Variants in ABLIM1 observed in about 807,000 individuals in gnomAD.
ABLIM1 encodes the protein actin binding LIM protein 1.
A neutral mutation model predicts 107.0 loss-of-function variants in ABLIM1; 40 were observed. The ratio of observed to expected loss-of-function variants is 0.37; its 90% confidence interval spans 0.29 to 0.49. The LOEUF (loss-of-function observed/expected upper bound fraction) is 0.49. ABLIM1 is among the 20% of genes least tolerant of loss of function. The pLI, the probability that ABLIM1 is intolerant of heterozygous loss-of-function variation, is 0.97. For synonymous variants in ABLIM1, 357 were observed against 357.3 expected (o/e 1.00, Z 0.01); for missense variants, 857 against 1,008.5 (o/e 0.85, Z 2.04).
chr10:114,625,696 G>C (rs1299120593), intron 1 of ABLIM1, among the ~76,000 whole-genome samples: 3 of 152,178 alleles, frequency 2.0e-5, no homozygotes, highest in Non-Finnish European at 4.4e-5. Flanking sequence ...ACTGAGGTTA[G>C]AGCAGAAAAT....
chr10:114,477,615 G>A (rs1276448339), intron 8 of ABLIM1, among the ~76,000 whole-genome samples: 1 of 152,196 alleles, frequency 6.6e-6, no homozygotes, highest in East Asian at 1.9e-4. Context: ...GAAGAACAAC[G>A]CACGCACATG....
intron 1 of ABLIM1, among the ~76,000 whole-genome samples, chr10:114,712,377 A>T (rs1353182541): frequency 3.2e-5 from 4 of 125,624 alleles, no homozygotes; most frequent in Non-Finnish European, 6.8e-5. Flanking sequence ...AAAAAAAAAA[A>T]GTACATGAAT....
chr10:114,675,168 T>C (rs2080426765), intron 1 of ABLIM1, among the ~76,000 whole-genome samples: 1 of 152,130 alleles, frequency 6.6e-6, no homozygotes, highest in East Asian at 1.9e-4. Context: ...GCTGTCATCA[T>C]TGGGTAGAGA....
rs1342511249 is a variant in ABLIM1 at position 114,448,032 on chromosome 10, T to C, written c.1595-12A>G. 5.0e-6 allele frequency: 8 copies of C among 1,614,092 alleles called. No homozygotes were observed. Among genetic ancestry groups the C allele is most frequent in the African/African-American group, 1.3e-5 (1 of 75,044 alleles). On this transcript the variant is annotated splice_polypyrimidine_tract_variant and intron_variant, in intron 14 of 22. Coordinates refer to ENST00000533213, the MANE Select transcript of ABLIM1 (RefSeq NM_002313.7). ...GGCTGCCAAGGCAGCTGCATCTAGA[T>C]GGGAATCAGGGGTTGCTTAGCTATT...
chr10:114,706,853 C>CT (rs200817467), intron 1 of ABLIM1, among the ~76,000 whole-genome samples: 14 of 150,486 alleles, frequency 9.3e-5, no homozygotes, highest in African/African-American at 2.7e-4. Flanking sequence ...TTTTCTTCTA[C>CT]TTTAAAAAAA....
chr10:114,605,052 G>A lies in ABLIM1; in HGVS notation c.245-3091C>T, dbSNP rs192524588. On this transcript the variant is annotated intron_variant, in intron 1 of 22. Transcript: ENST00000533213. The stretch of plus-strand genomic sequence containing the variant: ...ATGACTTGCTTTGCCTTCACCCACA[G>A]ACTAGACTGTGTTTACTTGCCTTTC... 2.0e-5 allele frequency among the ~76,000 whole-genome samples: 3 copies of A among 152,288 alleles called. No individual in the cohort carries two copies. The East Asian group carries it at 5.8e-4, about 29-fold the overall frequency.
chr10:114,714,994 A>C (rs1414089331), intron 1 of ABLIM1, among the ~76,000 whole-genome samples: 2 of 152,186 alleles, frequency 1.3e-5, no homozygotes, highest in Non-Finnish European at 2.9e-5. Flanking sequence ...AAGCACTCTC[A>C]AAGGAAGAAG....
rs974443735 is a variant in ABLIM1 at position 114,653,299 on chromosome 10, T to C, written c.244+4658A>G. On this transcript the variant is annotated intron_variant, in intron 1 of 22. Coordinates refer to ENST00000533213, the MANE Select transcript of ABLIM1 (RefSeq NM_002313.7). ...GCTTGCGCCTGTAATCTCAACACTT[T>C]GGGAAGCCAAAGCAGGAGGACTGTT... 1.8e-4 allele frequency among the ~76,000 whole-genome samples: 28 copies of C among 152,168 alleles called. 1 individual carries two copies. The highest frequency in any genetic ancestry group is 6.5e-4 in the African/African-American group (27 of 41,440).
At chr10:114,610,037 G>A (rs1353515063) in intron 1 of ABLIM1, among the ~76,000 whole-genome samples, 1 of 152,216 alleles carries the variant, frequency 6.6e-6, no homozygotes, top group East Asian at 1.9e-4. Flanking sequence ...AGCATAGAAG[G>A]AAATCAAGCT....
intron 1 of ABLIM1, among the ~76,000 whole-genome samples, chr10:114,718,098 A>AG (rs1355495011): frequency 7.2e-5 from 3 of 41,820 alleles, no homozygotes; most frequent in Non-Finnish European, 1.4e-4. Flanking sequence ...AGGAAGGAAA[A>AG]GAAAAAGAAA....
In ABLIM1 at chr10:114,492,827, C is replaced by T. The variant is rs578210057; in HGVS notation, c.895-949G>A. Reference sequence around the variant, plus strand: ...CATCAGAACCTGCATGAAACTGCAACAGGAAATCAGATGTCACGTGGTAAT... The same window carrying T: ...CATCAGAACCTGCATGAAACTGCAATAGGAAATCAGATGTCACGTGGTAAT... On this transcript the variant is annotated intron_variant, in intron 6 of 22. Coordinates refer to ENST00000533213, the MANE Select transcript of ABLIM1 (RefSeq NM_002313.7). Among the ~76,000 whole-genome samples the T allele has an allele frequency of 6.6e-5, 10 of 152,322 alleles. No homozygotes were observed. In the South Asian group the frequency reaches 2.1e-3, roughly 32 times the overall value.
intron 6 of ABLIM1, among the ~76,000 whole-genome samples, chr10:114,514,145 C>T (rs781459346): frequency 1.1e-4 from 17 of 152,018 alleles, no homozygotes; most frequent in Non-Finnish European, 1.9e-4. Context: ...GAAATGAGGC[C>T]GGGTGCAGTG....
intron 6 of ABLIM1, 28 bp downstream of exon 6, chr10:114,544,977 G>A: frequency 6.2e-7 from 1 of 1,603,042 alleles, no homozygotes; most frequent in East Asian, 2.2e-5. Context: ...GATGGCGGTA[G>A]CTATGAGGGA....
intron 2 of ABLIM1, among the ~76,000 whole-genome samples, chr10:114,584,660 CA>C (rs979731948): frequency 1.3e-5 from 2 of 152,058 alleles, no homozygotes; most frequent in Non-Finnish European, 2.9e-5. Flanking sequence ...TACTAAGCCT[CA>C]AAAAACATAT....
intron 1 of ABLIM1, among the ~76,000 whole-genome samples, chr10:114,681,210 TGAGA>T (rs925544416): frequency 6.6e-6 from 1 of 152,166 alleles, no homozygotes; most frequent in Non-Finnish European, 1.5e-5. Context: ...ATTTTTATAT[TGAGA>T]GAGAGAGTTT....
intron 10 of ABLIM1, among the ~76,000 whole-genome samples, chr10:114,468,459 A>G (rs1007263878): frequency 6.6e-6 from 1 of 151,884 alleles, no homozygotes; most frequent in Non-Finnish European, 1.5e-5. Flanking sequence ...TATTTTTAGT[A>G]GAGATGGGGT....
chr10:114,513,657 G>A (rs1369792986), intron 6 of ABLIM1, among the ~76,000 whole-genome samples: 2 of 152,148 alleles, frequency 1.3e-5, no homozygotes, highest in African/African-American at 4.8e-5. Context: ...CACCTTGGTG[G>A]CGGGTAGGAG....
intron 1 of ABLIM1, among the ~76,000 whole-genome samples, chr10:114,711,405 T>C (rs537680655): frequency 4.3e-4 from 66 of 152,272 alleles, no homozygotes; most frequent in Non-Finnish European, 7.6e-4. Context: ...ATGGTGACAG[T>C]GTTAAGACCA....
chr10:114,443,665 T>C (rs2060539832), intron 17 of ABLIM1, among the ~76,000 whole-genome samples: 1 of 128,158 alleles, frequency 7.8e-6, no homozygotes, highest in Non-Finnish European at 1.6e-5. Flanking sequence ...GTCTTATTCA[T>C]GTTATCTAAA....
Sources: allele counts gnomAD v4.1 joint callset (sites outside exome capture counted in the v4.1 genomes callset), GRCh38; gene constraint gnomAD v4.1.1; transcripts MANE v1.5; gene names NCBI Gene and HGNC (gene_info 2026-07-23, HGNC 2026-07-21).